CACNB4: variants seen among roughly 807,000 people sequenced by gnomAD.
The protein encoded by CACNB4 is calcium voltage-gated channel auxiliary subunit beta 4.
A neutral mutation model predicts 71.2 loss-of-function variants in CACNB4; 32 were observed. The ratio of observed to expected loss-of-function variants is 0.45; its 90% CI spans 0.34 to 0.60. The LOEUF is 0.60. Ranked by LOEUF, CACNB4 falls within the 20% of genes least tolerant of loss-of-function variation. The pLI is 0.01. For synonymous variants in CACNB4, 231 were observed against 236.9 expected, an observed-to-expected ratio of 0.97 and a Z score of 0.23; for missense variants, 464 against 647.9, an observed-to-expected ratio of 0.72 and a Z score of 3.08.
chr2:152,002,253 C>T (rs978816734), intron 2 of CACNB4, among the ~76,000 whole-genome samples: 5 of 152,172 alleles, frequency 3.3e-5, no homozygotes, highest in Admixed American at 6.5e-5. Flanking sequence ...CTCTTTCGTC[C>T]TCTTACTTGA....
intron 2 of CACNB4, among the ~76,000 whole-genome samples, chr2:151,934,117 G>C: frequency 6.6e-6 from 1 of 152,082 alleles, no homozygotes; most frequent in East Asian, 1.9e-4. Flanking sequence ...TTTCTAGGTT[G>C]AATAATAAGA....
intron 9 of CACNB4, among the ~76,000 whole-genome samples, chr2:151,862,269 T>G (rs560352631): frequency 2.1e-4 from 32 of 152,320 alleles, no homozygotes; most frequent in African/African-American, 6.3e-4. Flanking sequence ...TGTACCTGAT[T>G]TCAGTGACCT....
intron 2 of CACNB4, among the ~76,000 whole-genome samples, chr2:151,948,323 T>C (rs1031601122): frequency 6.6e-6 from 1 of 152,188 alleles, no homozygotes; most frequent in African/African-American, 2.4e-5. Flanking sequence ...CCACTCCCAC[T>C]ACAGTCTTGA....
At chr2:151,880,552 C>T in intron 4 of CACNB4, 1 of 488,524 alleles carries the variant, frequency 2.0e-6, no homozygotes. Flanking sequence ...CCATAGAGGT[C>T]TGTCAGAAAT....
At chr2:151,915,609 G>A (rs1486788956) in intron 2 of CACNB4, among the ~76,000 whole-genome samples, 5 of 152,148 alleles carry the variant, frequency 3.3e-5, no homozygotes, top group Admixed American at 1.3e-4. Context: ...TTGGGAGGCC[G>A]AGGCGGGTGG....
intron 2 of CACNB4, among the ~76,000 whole-genome samples, chr2:152,059,639 A>T (rs1685903638): frequency 6.6e-6 from 1 of 152,192 alleles, no homozygotes; most frequent in South Asian, 2.1e-4. Context: ...GGCAGAAGGG[A>T]CTTGCATTGT....
chr2:151,842,271 G>A (rs901226101), intron 12 of CACNB4, among the ~76,000 whole-genome samples, 183 bp from the exon 13 acceptor site: 2 of 145,476 alleles, frequency 1.4e-5, no homozygotes, highest in Non-Finnish European at 3.0e-5. Context: ...ATCCATGAAC[G>A]AATGTAGACA....
chr2:152,066,910 C>T (rs1203821507), intron 2 of CACNB4, among the ~76,000 whole-genome samples: 7 of 145,326 alleles, frequency 4.8e-5, no homozygotes, highest in African/African-American at 1.3e-4. Context: ...AACCAAACAC[C>T]GCATATTCTC....
At chr2:151,948,824 G>A (rs2099866211) in intron 2 of CACNB4, among the ~76,000 whole-genome samples, 1 of 152,042 alleles carries the variant, frequency 6.6e-6, no homozygotes, top group Non-Finnish European at 1.5e-5. Flanking sequence ...TTCATTCCTG[G>A]GATTTAAGCC....
chr2:151,934,911 T>A (rs918493151), intron 2 of CACNB4, among the ~76,000 whole-genome samples: 2 of 152,238 alleles, frequency 1.3e-5, no homozygotes, highest in East Asian at 3.8e-4. Context: ...ATGCATTGAT[T>A]AACTGTTGAT....
Position 151,837,059 on chromosome 2 carries a change from A to G in CACNB4, c.*2060T>C, listed in dbSNP as rs1443830057. On this transcript the variant is annotated 3_prime_UTR_variant, in exon 14 of 14. Transcript: ENST00000539935. ...TAAATATATTTTTGTTTGCTGGAAG[A>G]TGCTCTTCTGTGTTCTAACAAAGTA... 2.0e-5 allele frequency: 3 copies of G among 152,006 alleles called. No homozygotes were observed. Among genetic ancestry groups the G allele is most frequent in the Non-Finnish European group, 4.4e-5 (3 of 67,870 alleles). The allele number at this position is 152,006 out of a possible 1,614,324, so 9.4% of individuals were successfully genotyped here.
chr2:151,928,224 G>T (rs182314488), intron 2 of CACNB4, among the ~76,000 whole-genome samples: 2 of 152,302 alleles, frequency 1.3e-5, no homozygotes, highest in East Asian at 3.9e-4. Flanking sequence ...AATTTTAAAA[G>T]AATACCTTTC....
Position 152,091,498 on chromosome 2 carries a change from G to A in CACNB4, c.147+6832C>T, listed in dbSNP as rs188039936. 3.1e-3 allele frequency among the ~76,000 whole-genome samples: 470 copies of A among 152,156 alleles called. 3 individuals carry two copies. The highest frequency in any genetic ancestry group is 0.011 in the African/African-American group (455 of 41,500). ...AAAAATACAAAAATTAGCCAGATGC[G>A]GTGGCATGCACCTGTAGTCCCAGCT... On this transcript the variant is annotated intron_variant, in intron 2 of 13. Transcript: ENST00000539935.
intron 2 of CACNB4, among the ~76,000 whole-genome samples, chr2:151,918,507 G>T (rs928440790): frequency 2.0e-5 from 3 of 152,158 alleles, no homozygotes; most frequent in African/African-American, 4.8e-5. Flanking sequence ...CCAACCACTG[G>T]GCTCCAGGGG....
At chr2:152,090,766 T>C (rs774334444) in intron 2 of CACNB4, among the ~76,000 whole-genome samples, 1 of 151,560 alleles carries the variant, frequency 6.6e-6, no homozygotes, top group East Asian at 1.9e-4. Context: ...AAATTTAGGG[T>C]TGGGCATGAT....
chr2:151,945,907 G>T (rs1460395423), intron 2 of CACNB4, among the ~76,000 whole-genome samples: 1 of 150,454 alleles, frequency 6.6e-6, no homozygotes, highest in African/African-American at 2.4e-5. Flanking sequence ...TTACATGTGT[G>T]TGTGCGCGTG....
rs70974816 is a variant in CACNB4 at position 152,001,526 on chromosome 2, T to TAAAAAAAAAA, written c.147+96794_147+96803dup. 3.4e-3 allele frequency among the ~76,000 whole-genome samples: 121 copies of TAAAAAAAAAA among 35,486 alleles called. 1 individual carries two copies. Among genetic ancestry groups the TAAAAAAAAAA allele is most frequent in the African/African-American group, 4.8e-3 (49 of 10,174 alleles). The allele number at this position is 35,486 out of a possible 152,430, so 23.3% of individuals were successfully genotyped here. On this transcript the variant is annotated intron_variant, in intron 2 of 13. Coordinates refer to ENST00000539935, the MANE Select transcript of CACNB4 (RefSeq NM_000726.5). ...CAACATGGTGAAACCCCATCTCTACTAAAAAAAAAAAAAAAAAAAAAAAAA... is the reference window on the plus strand; with the variant it reads ...CAACATGGTGAAACCCCATCTCTACTAAAAAAAAAAAAAAAAAAAAAAAAAAAAAAAAAAA...
chr2:151,867,735 G>C (rs2099843526), intron 9 of CACNB4: 1 of 152,208 alleles, frequency 6.6e-6, no homozygotes, highest in Non-Finnish European at 1.5e-5. Context: ...ACATAACCAA[G>C]TTCTAACCAG....
Position 151,869,243 on chromosome 2 carries a change from G to A in CACNB4, c.700-8C>T, listed in dbSNP as rs1455202998. Reference sequence around the variant, plus strand: ...CTGCATCATGTCTGTTACCTTTGCAGAGGTGAGAAAAAAAGAATGAGGCAA... The same window carrying A: ...CTGCATCATGTCTGTTACCTTTGCAAAGGTGAGAAAAAAAGAATGAGGCAA... On this transcript the variant is annotated splice_polypyrimidine_tract_variant and splice_region_variant and intron_variant, in intron 8 of 13. Transcript: ENST00000539935. 1.3e-6 allele frequency: 2 copies of A among 1,545,226 alleles called. No homozygotes were observed. The highest frequency in any genetic ancestry group is 4.7e-5 in the East Asian group (2 of 42,372).
Sources: gnomAD v4.1 joint callset for allele counts (sites outside exome capture counted in the v4.1 genomes callset) on GRCh38, gnomAD v4.1.1 for gene constraint, MANE v1.5 for transcripts, NCBI Gene and HGNC (gene_info 2026-07-23, HGNC 2026-07-21) for gene names.